The following RHBG variants were observed in gnomAD, a reference collection of about 807,000 sequenced individuals.
RHBG encodes the protein Rh family B glycoprotein.
In RHBG, 39 loss-of-function variants were observed where a neutral mutation model predicts 40.1. That is an observed-to-expected ratio of 0.97 (90% CI 0.75 to 1.27). The LOEUF is 1.27. RHBG is among the 50% of genes most tolerant of loss of function. The probability of loss-of-function intolerance (pLI) is 0.00; values close to 1 mark genes in which losing one functional copy is unlikely to be tolerated. For synonymous variants in RHBG, 237 were observed against 252.5 expected (o/e 0.94, Z 0.58); for missense variants, 549 against 588.1 (o/e 0.93, Z 0.69).
rs564785862 is a variant in RHBG at position 156,382,259 on chromosome 1, T to C, written c.1112+58T>C. On this transcript the variant is annotated intron_variant, in intron 7 of 9. Transcript: ENST00000537040. ...CATCCATCTGGAATGACCTCTGTCA[T>C]TCTCTTTCACTGTGTGTGACCAAGA... 1.1e-5 allele frequency: 17 copies of C among 1,608,346 alleles called. No homozygotes were observed. In the East Asian group the frequency reaches 3.3e-4, roughly 32 times the overall value.
chr1:156,373,471 G>A (rs1666986793), intron 1 of RHBG, among the ~76,000 whole-genome samples: 2 of 142,044 alleles, frequency 1.4e-5, no homozygotes, highest in South Asian at 5.2e-4. Context: ...GGGTGGGGTG[G>A]GCATCAGACT....
Position 156,371,179 on chromosome 1 carries a change from T to A in RHBG, c.187+1743T>A, listed in dbSNP as rs182234282. 2.8e-3 allele frequency: 1,162 copies of A among 421,320 alleles called. 5 individuals carry two copies. Among genetic ancestry groups the A allele is most frequent in the African/African-American group, 0.023 (1,104 of 47,164 alleles). The allele number at this position is 421,320 out of a possible 1,614,324, so 26.1% of individuals were successfully genotyped here. ...TATTTTCTTTCTTTTTTTTTTTTTT[T>A]AGAAGAGTCTCACTCTGTTGCCCAG... is the stretch of plus-strand genomic sequence containing the variant. On this transcript the variant is annotated intron_variant, in intron 1 of 9. Coordinates refer to ENST00000537040, the MANE Select transcript of RHBG (RefSeq NM_020407.5).
chr1:156,383,080 C>A (rs533302204), intron 8 of RHBG, among the ~76,000 whole-genome samples: 6 of 152,168 alleles, frequency 3.9e-5, no homozygotes, highest in Non-Finnish European at 5.9e-5. Context: ...GGGGAGTCCG[C>A]GAGGGGTGAG....
Position 156,378,243 on chromosome 1 carries a change from C to T in RHBG, c.526-9C>T, listed in dbSNP as rs1402200543. On this transcript the variant is annotated splice_polypyrimidine_tract_variant and intron_variant, in intron 3 of 9. Transcript: ENST00000537040. Reference sequence around the variant, plus strand: ...GGGCGGGGTGCTGCCTCTCACCCCACCTCCCCAGGTGAGAGATGCCGGAGG... The same window carrying T: ...GGGCGGGGTGCTGCCTCTCACCCCATCTCCCCAGGTGAGAGATGCCGGAGG... 1.2e-6 allele frequency: 2 copies of T among 1,613,486 alleles called. No homozygotes were observed. The highest frequency in any genetic ancestry group is 2.2e-5 in the East Asian group (1 of 44,882).
intron 1 of RHBG, among the ~76,000 whole-genome samples, chr1:156,375,934 G>A (rs752650759): frequency 6.6e-6 from 1 of 151,916 alleles, no homozygotes; most frequent in Non-Finnish European, 1.5e-5. Context: ...TATAAATGGA[G>A]GGGGGTCCAC....
intron 1 of RHBG, among the ~76,000 whole-genome samples, chr1:156,376,330 G>C (rs1362097589): frequency 6.6e-6 from 1 of 151,420 alleles, no homozygotes; most frequent in Admixed American, 6.6e-5. Flanking sequence ...TTTTCTCTGA[G>C]GTCATCTCTG....
rs768621714 is a variant in RHBG at position 156,377,364 on chromosome 1, G to A, written c.251G>A (p.Arg84His). ...GFGFLMVFLQ[R>H]YGFSSVGFTF... ...GGCTTCCTCATGGTCTTCCTGCAGC[G>A]TTACGGCTTCAGCAGCGTGGGCTTC... Residue 84 changes from arginine (R) to histidine (H), a missense_variant, in exon 2 of 10, where the codon CGT becomes CAT. Arg to His is a conservative substitution (Grantham distance 29). This residue lies in a region of RHBG where 51 missense variants were observed against 85.9 expected (regional missense o/e 0.59). Transcript: ENST00000537040. This position sits in a 1 kb window ranked among gnomAD's most constrained non-coding sequence, Gnocchi z 4.6. 40 of 1,614,032 alleles carry A rather than the reference G, an allele frequency of 2.5e-5. No individual in the cohort carries two copies. The highest frequency in any genetic ancestry group is 1.1e-4 in the African/African-American group (8 of 74,938).
chr1:156,376,409 G>A (rs1187916490), intron 1 of RHBG, among the ~76,000 whole-genome samples: 1 of 150,336 alleles, frequency 6.7e-6, no homozygotes, highest in Non-Finnish European at 1.5e-5. Context: ...TGTCACCCAG[G>A]CTGGAGTGCA....
In RHBG at chr1:156,381,608, A is replaced by G. The variant is rs1571014859; in HGVS notation, c.840+95A>G. 9 of 1,467,858 alleles carry G rather than the reference A, an allele frequency of 6.1e-6. No homozygotes were observed. The East Asian group carries it at 1.8e-4, about 30-fold the overall frequency. The allele number at this position is 1,467,858 out of a possible 1,614,324, so 90.9% of individuals were successfully genotyped here. On this transcript the variant is annotated intron_variant, in intron 5 of 9. Coordinates refer to ENST00000537040, the MANE Select transcript of RHBG (RefSeq NM_020407.5). ...CAAGAAAGATTCTCCCGGGGAACAGATAAGGGCACAGGCATAGGGGCTCCA... is the reference window on the plus strand; with the variant it reads ...CAAGAAAGATTCTCCCGGGGAACAGGTAAGGGCACAGGCATAGGGGCTCCA...
chr1:156,371,063 GA>G, intron 1 of RHBG: 15 of 357,816 alleles, frequency 4.2e-5, no homozygotes, highest in East Asian at 2.0e-4. Flanking sequence ...TGAGCAAGGG[GA>G]AAAAGGATGC....
chr1:156,376,116 G>A (rs1018012507), intron 1 of RHBG, among the ~76,000 whole-genome samples: 5 of 151,984 alleles, frequency 3.3e-5, no homozygotes, highest in East Asian at 1.9e-4. Flanking sequence ...AGAAAAGGCC[G>A]CAAATCTTCC....
At chr1:156,379,441 A>G (rs1571008213) in intron 4 of RHBG, among the ~76,000 whole-genome samples, 1 of 152,260 alleles carries the variant, frequency 6.6e-6, no homozygotes, top group East Asian at 1.9e-4. Context: ...TCCTATATGA[A>G]ACAGAGAGGC....
intron 1 of RHBG, chr1:156,371,135 T>C: frequency 2.3e-6 from 1 of 431,314 alleles, no homozygotes; most frequent in Non-Finnish European, 4.5e-6. Context: ...CTATTAAAAA[T>C]TTCCAGCTCT....
Position 156,380,112 on chromosome 1 carries a change from C to CTT in RHBG, c.674-1220_674-1219dup, listed in dbSNP as rs67037881. On this transcript the variant is annotated intron_variant, in intron 4 of 9. Coordinates refer to ENST00000537040, the MANE Select transcript of RHBG (RefSeq NM_020407.5). ...GCCTTTTTTCCTTTCCTTTCTTTTTCTTTTTTTTTTTTTTTTGAGATGGAG... is the reference window on the plus strand; with the variant it reads ...GCCTTTTTTCCTTTCCTTTCTTTTTCTTTTTTTTTTTTTTTTTTGAGATGGAG... 1.5e-3 allele frequency among the ~76,000 whole-genome samples: 201 copies of CTT among 130,088 alleles called. 3 individuals are homozygous for CTT. Among genetic ancestry groups the CTT allele is most frequent in the South Asian group, 3.5e-3 (14 of 4,018 alleles). 85.3% of individuals were successfully genotyped at this position (130,088 alleles called of 152,430 possible).
Position 156,382,793 on chromosome 1 carries a change from C to T in RHBG, c.1158C>T (p.Ala386=). ...FPLIAEGQRS[A]TSQAMHQLFG... ...TCATAGCCGAGGGCCAGCGCAGTGC[C>T]ACGTCACAGGCCATGCACCAGCTCT... Residue 386 remains alanine, a synonymous_variant, in exon 8 of 10, where the codon GCC becomes GCT. Transcript: ENST00000537040. 6.2e-7 allele frequency: 1 copy of T among 1,614,208 alleles called. No individual in the cohort carries two copies. The highest frequency in any genetic ancestry group is 8.5e-7 in the Non-Finnish European group (1 of 1,180,032).
At chr1:156,372,389 TAAC>T (rs148859420) in intron 1 of RHBG, among the ~76,000 whole-genome samples, 37,889 of 151,768 alleles carry the variant, frequency 0.25, 4,793 homozygotes, top group East Asian at 0.38. Context: ...GATGGAAAAA[TAAC>T]AAAGAAGGGG....
intron 1 of RHBG, chr1:156,371,765 C>T (rs2101752599): frequency 6.6e-6 from 1 of 152,514 alleles, no homozygotes; most frequent in Non-Finnish European, 1.5e-5. Flanking sequence ...TGCCATGAAC[C>T]CCTGACTTGC....
chr1:156,376,114 C>G (rs1667179218), intron 1 of RHBG, among the ~76,000 whole-genome samples: 1 of 152,078 alleles, frequency 6.6e-6, no homozygotes, highest in African/African-American at 2.4e-5. Context: ...ACAGAAAAGG[C>G]CGCAAATCTT....
Position 156,384,697 on chromosome 1 carries a change from TC to T in RHBG, c.1309-78del. On this transcript the variant is annotated intron_variant, in intron 9 of 9. Transcript: ENST00000537040. ...CTTCTTCCTTCCTTGCTGCTCCTTC[TC>T]CTCTGGGGTACACCCCTGAACTGTG... 5 of 1,534,646 alleles carry T rather than the reference TC, an allele frequency of 3.3e-6. No individual in the cohort carries two copies. In the South Asian group the frequency reaches 5.7e-5, roughly 18 times the overall value.
Sources: allele counts gnomAD v4.1 joint callset (sites outside exome capture counted in the v4.1 genomes callset), GRCh38; gene constraint gnomAD v4.1.1; regional missense constraint gnomAD v4.1.1; non-coding constraint Gnocchi (gnomAD v3.1); transcripts MANE v1.5; gene names NCBI Gene and HGNC (gene_info 2026-07-23, HGNC 2026-07-21).